Variants in P2RX6 observed in about 807,000 individuals in gnomAD.
The protein encoded by P2RX6 is purinergic receptor P2X 6.
A neutral mutation model predicts 54.2 loss-of-function variants in P2RX6; 62 were observed. The observed-to-expected ratio is 1.14, with a 90% CI of 0.93 to 1.41. P2RX6 has a LOEUF of 1.41. P2RX6 is among the 40% of genes most tolerant of loss of function. The probability of loss-of-function intolerance (pLI) is 0.00; values close to 1 mark genes in which losing one functional copy is unlikely to be tolerated. For missense variants in P2RX6, 541 were observed against 566.3 expected (o/e 0.96, Z 0.45); for synonymous variants, 211 against 231.9 (o/e 0.91, Z 0.82).
chr22:21,022,672 T>C lies in P2RX6; in HGVS notation c.388-4T>C. On this transcript the variant is annotated splice_polypyrimidine_tract_variant and splice_region_variant and intron_variant, in intron 3 of 11. Coordinates refer to ENST00000413302, the MANE Select transcript of P2RX6 (RefSeq NM_005446.5). The stretch of plus-strand genomic sequence containing the variant: ...ATTGGTGACTGCTCTCTCTCCCACC[T>C]CAGCACCCGTCCGTCCCACTGGCTA... The C allele has an allele frequency of 1.3e-6, 2 of 1,538,788 alleles. No individual in the cohort carries two copies. Among genetic ancestry groups the C allele is most frequent in the Non-Finnish European group, 1.7e-6 (2 of 1,143,558 alleles).
chr22:21,016,318 T>C (rs1926377333), intron 2 of P2RX6, among the ~76,000 whole-genome samples: 1 of 150,766 alleles, frequency 6.6e-6, no homozygotes, highest in Non-Finnish European at 1.5e-5. Flanking sequence ...CAGGCCAGGG[T>C]TGGACGTGCT....
In P2RX6 at chr22:21,022,662, C is replaced by G. The variant is rs764251625; in HGVS notation, c.388-14C>G. Reference sequence around the variant, plus strand: ...CCCCTGTGCCATTGGTGACTGCTCTCTCTCCCACCTCAGCACCCGTCCGTC... The same window carrying G: ...CCCCTGTGCCATTGGTGACTGCTCTGTCTCCCACCTCAGCACCCGTCCGTC... On this transcript the variant is annotated splice_polypyrimidine_tract_variant and intron_variant, in intron 3 of 11. Coordinates refer to ENST00000413302, the MANE Select transcript of P2RX6 (RefSeq NM_005446.5). 1 of 1,515,952 alleles carries G rather than the reference C, an allele frequency of 6.6e-7. No individual in the cohort carries two copies. The highest frequency in any genetic ancestry group is 8.8e-7 in the Non-Finnish European group (1 of 1,131,476). 93.9% of individuals were successfully genotyped at this position (1,515,952 alleles called of 1,614,324 possible). A position where few individuals can be genotyped will look rare whatever the true frequency, so the allele number is the denominator to read the frequency against.
Position 21,027,346 on chromosome 22 carries a change from G to A in P2RX6, c.*729G>A, listed in dbSNP as rs1262499918. ...AGAGAGCAGAGGGCGGCAGGGCTAA[G>A]TTGGTGATCATTGGGTTCTTCAGGA... On this transcript the variant is annotated 3_prime_UTR_variant, in exon 12 of 12. Transcript: ENST00000413302. 2 of 152,548 alleles carry A rather than the reference G, an allele frequency of 1.3e-5. No homozygotes were observed. The highest frequency in any genetic ancestry group is 2.4e-5 in the African/African-American group (1 of 41,426). 9.4% of individuals were successfully genotyped at this position (152,548 alleles called of 1,614,324 possible).
chr22:21,022,986 A>G lies in P2RX6; in HGVS notation c.508A>G (p.Thr170Ala), dbSNP rs1329551539. Reference sequence around the variant, plus strand: ...TGTGGTGTTCAATGGGACCCACAGGACCTGTGAGATCTGGAGTTGGTGCCC... The same window carrying G: ...TGTGGTGTTCAATGGGACCCACAGGGCCTGTGAGATCTGGAGTTGGTGCCC... ...QCVVFNGTHR[T>A]CEIWSWCPVE... is the part of the protein sequence containing the mutation. The change falls in exon 5 of 12, where the codon ACC becomes GCC. Residue 170 changes from threonine (T) to alanine (A), a missense_variant. Thr to Ala is a moderately conservative substitution (Grantham distance 58, BLOSUM62 0). Coordinates refer to ENST00000413302, the MANE Select transcript of P2RX6 (RefSeq NM_005446.5). 1.9e-6 allele frequency: 3 copies of G among 1,613,500 alleles called. No individual in the cohort carries two copies. In the East Asian group the frequency reaches 6.7e-5, roughly 36 times the overall value.
rs5761896 is a variant in P2RX6, at chr22:21,015,392, G to A, written c.164+54G>A. The A allele has an allele frequency of 0.012, 17,585 of 1,508,096 alleles. 1,161 individuals carry two copies. In the East Asian group the frequency reaches 0.19, roughly 17 times the overall value. 93.4% of individuals were successfully genotyped at this position (1,508,096 alleles called of 1,614,324 possible). A position where few individuals can be genotyped will look rare whatever the true frequency, so the allele number is the denominator to read the frequency against. The stretch of plus-strand genomic sequence containing the variant: ...GGAGGGGCAAGGGAAGAGGTGGGGG[G>A]TGGGGCTTGGTCCTGCTGGGTTGAA... On this transcript the variant is annotated intron_variant, in intron 1 of 11. Coordinates refer to ENST00000413302, the MANE Select transcript of P2RX6 (RefSeq NM_005446.5).
chr22:21,015,123 G>A (rs1926101438), upstream of P2RX6: 1 of 1,199,962 alleles, frequency 8.3e-7, no homozygotes. Context: ...GGCCTGGCTC[G>A]GGCCCTGCTT....
rs2541954 is a variant in P2RX6, at chr22:21,027,393, A to G, written c.*776A>G. 106,430 of 152,012 alleles carry G rather than the reference A, an allele frequency of 0.7. 37,891 individuals carry two copies. The highest frequency in any genetic ancestry group is 0.83 in the African/African-American group (34,506 of 41,390). 9.4% of individuals were successfully genotyped at this position (152,012 alleles called of 1,614,324 possible). On this transcript the variant is annotated 3_prime_UTR_variant, in exon 12 of 12. Transcript: ENST00000413302. ...AGGACCTTCTATATCCCTCCTCGGT[A>G]ACCCCCCAGCCCAACCCCTTGGAAT... is the stretch of plus-strand genomic sequence containing the variant.
chr22:21,025,721 A>T, intron 8 of P2RX6, 84 bp from the exon 9 acceptor site: 1 of 954,454 alleles, frequency 1.0e-6, no homozygotes, highest in Non-Finnish European at 1.6e-6. Flanking sequence ...GAGTCAATTG[A>T]CAAGTTGGAC....
intron 3 of P2RX6, among the ~76,000 whole-genome samples, chr22:21,019,675 A>C (rs910169273): frequency 7.9e-5 from 12 of 152,222 alleles, no homozygotes; most frequent in African/African-American, 1.2e-4. Context: ...ATAAATATAG[A>C]GGTGTGGAGT....
chr22:21,023,135 A>G lies in P2RX6; in HGVS notation c.575A>G (p.Gln192Arg). ...GVVPSRPLLA[Q>R]AQNFTLFIKN... ...ACCTGCAGGAGGCCCCTGCTGGCCC[A>G]GGCCCAGAACTTCACACTGTTCATC... The change falls in exon 6 of 12, where the codon CAG (glutamine) becomes CGG (arginine). Residue 192 changes from glutamine to arginine, a missense_variant. Physicochemically the swap from Gln to Arg is conservative, Grantham distance 43. Around this residue, in one of 2 missense-constraint regions of P2RX6, gnomAD observed 526 missense variants for 531.5 expected, o/e 0.99. Transcript: ENST00000413302. 1 of 1,613,824 alleles carries G rather than the reference A, an allele frequency of 6.2e-7. No individual in the cohort carries two copies. The highest frequency in any genetic ancestry group is 8.5e-7 in the Non-Finnish European group (1 of 1,179,816).
chr22:21,024,878 G>GTGTTTTTTT (rs58685165), intron 8 of P2RX6, among the ~76,000 whole-genome samples: 3 of 110,756 alleles, frequency 2.7e-5, no homozygotes, highest in Admixed American at 1.1e-4. Context: ...TTTTTTTTGT[G>GTGTTTTTTT]TTTTTTTTTT....
chr22:21,023,115 C>T lies in P2RX6; in HGVS notation c.558-3C>T. The T allele has an allele frequency of 6.2e-7, 1 of 1,613,866 alleles. No individual in the cohort carries two copies. Among genetic ancestry groups the T allele is most frequent in the Non-Finnish European group, 8.5e-7 (1 of 1,179,752 alleles). ...GAGGCTGTCACCTCCCTTCCACCTG[C>T]AGGAGGCCCCTGCTGGCCCAGGCCC... On this transcript the variant is annotated splice_region_variant and splice_polypyrimidine_tract_variant and intron_variant, in intron 5 of 11. Coordinates refer to ENST00000413302, the MANE Select transcript of P2RX6 (RefSeq NM_005446.5).
intron 8 of P2RX6, among the ~76,000 whole-genome samples, chr22:21,025,384 G>T (rs901210318): frequency 1.3e-5 from 2 of 151,952 alleles, no homozygotes; most frequent in African/African-American, 4.8e-5. Context: ...AACCACGTGG[G>T]GCTGGCTCCC....
chr22:21,014,093 T>A (rs1310686267), upstream of P2RX6: 1 of 149,588 alleles, frequency 6.7e-6, no homozygotes, highest in Non-Finnish European at 1.5e-5. Flanking sequence ...CGTCTCTAGG[T>A]CGGAGTCTGA....
At position 21,027,245 on chromosome 22, in the gene P2RX6, TTGGGCCC is replaced by T; in HGVS notation, c.*629_*635del. ...CCCAGGCAAGGGCGGAGCATGTGTC[TTGGGCCC>T]ACACCTGCTTAGTTTATGAGGACCG... On this transcript the variant is annotated 3_prime_UTR_variant, in exon 12 of 12. Transcript: ENST00000413302. The T allele has an allele frequency of 6.5e-6, 1 of 153,372 alleles. No individual in the cohort carries two copies. The highest frequency in any genetic ancestry group is 1.5e-5 in the Non-Finnish European group (1 of 68,850). 9.5% of individuals were successfully genotyped at this position (153,372 alleles called of 1,614,324 possible).
At chr22:21,012,444 G>A (rs1184599636), upstream of P2RX6, 4 of 426,914 alleles carry the variant, frequency 9.4e-6, no homozygotes, top group East Asian at 5.9e-5. Flanking sequence ...CAGGTGACAT[G>A]GCCCAGCTTT....
chr22:21,024,878 G>GGTTT lies in P2RX6; in HGVS notation c.891-927_891-926insGTTT, dbSNP rs1555942104. On this transcript the variant is annotated intron_variant, in intron 8 of 11. Transcript: ENST00000413302. ...GAGCCACCAAGCCTGTTTTTTTTGT[G>GGTTT]TTTTTTTTTTTTTTTTTTTTAGATG... Among the ~76,000 whole-genome samples, 6 of 110,758 alleles carry GGTTT rather than the reference G, an allele frequency of 5.4e-5. No homozygotes were observed. The East Asian group carries it at 1.9e-3, about 36-fold the overall frequency. 72.7% of individuals were successfully genotyped at this position (110,758 alleles called of 152,430 possible).
At chr22:21,014,195 G>T, upstream of P2RX6, 2 of 155,104 alleles carry the variant, frequency 1.3e-5, no homozygotes, top group South Asian at 1.7e-4. Context: ...ATCCTCCCCA[G>T]ACCTCTGGCA....
At chr22:21,022,841 C>T in intron 4 of P2RX6, 90 bp downstream of exon 4, 15 of 1,470,840 alleles carry the variant, frequency 1.0e-5, no homozygotes, top group Non-Finnish European at 1.3e-5. Flanking sequence ...CCCTGCTCGC[C>T]TCTGTCCCTG....
Sources: gnomAD v4.1 joint callset for allele counts (sites outside exome capture counted in the v4.1 genomes callset) on GRCh38, gnomAD v4.1.1 for gene constraint, gnomAD v4.1.1 regional missense constraint, MANE v1.5 for transcripts, NCBI Gene and HGNC (gene_info 2026-07-23, HGNC 2026-07-21) for gene names.